The following ZKSCAN7 variants were observed in gnomAD, a reference collection of about 807,000 sequenced individuals.
ZKSCAN7 encodes zinc finger protein with KRAB and SCAN domains 7.
ZKSCAN7 carries 38 observed loss-of-function variants against 65.3 expected under a neutral mutation model. The observed-to-expected ratio is 0.58, with a 90% CI of 0.45 to 0.76. The LOEUF (loss-of-function observed/expected upper bound fraction) is 0.76. ZKSCAN7 is among the 30% of genes least tolerant of loss of function. The probability of loss-of-function intolerance (pLI) is 0.00; values close to 1 mark genes in which losing one functional copy is unlikely to be tolerated. For synonymous variants in ZKSCAN7, 321 were observed against 321.0 expected, an observed-to-expected ratio of 1.00 and a Z score of 0.00; for missense variants, 815 against 913.3, an observed-to-expected ratio of 0.89 and a Z score of 1.39.
At chr3:44,580,643 A>G in intron 5 of ZKSCAN7, 5 of 1,613,788 alleles carry the variant, frequency 3.1e-6, no homozygotes, top group Non-Finnish European at 4.2e-6. Flanking sequence ...CCCGGATGAA[A>G]TGCTCCTTCT....
Position 44,571,596 on chromosome 3 carries a change from T to G in ZKSCAN7, c.*221T>G. ...CATGTCATTGAATTGTAGGTTTCCT[T>G]TTTTTTTCTTTACTTTTAAATTTTA... On this transcript the variant is annotated 3_prime_UTR_variant, in exon 6 of 6. Coordinates refer to ENST00000426540, the MANE Select transcript of ZKSCAN7 (RefSeq NM_001288590.2). 7.5e-7 allele frequency: 1 copy of G among 1,334,612 alleles called. No homozygotes were observed. The highest frequency in any genetic ancestry group is 9.6e-7 in the Non-Finnish European group (1 of 1,043,894). The allele number at this position is 1,334,612 out of a possible 1,614,324, so 82.7% of individuals were successfully genotyped here.
rs878870119 is a variant in ZKSCAN7 at position 44,579,819 on chromosome 3, G to GT, written c.812-3150dup. On this transcript the variant is annotated intron_variant, in intron 5 of 5. Coordinates refer to the ZKSCAN7 transcript ENST00000341840. ...CTTTGATCGGCGAGGACAAACCAGTGTTTCTTCCACTGGCTGTCCTCATAC... is the reference window on the plus strand; with the variant it reads ...CTTTGATCGGCGAGGACAAACCAGTGTTTTCTTCCACTGGCTGTCCTCATAC... 22 of 1,612,948 alleles carry GT rather than the reference G, an allele frequency of 1.4e-5. No homozygotes were observed. In the South Asian group the frequency reaches 2.1e-4, roughly 15 times the overall value.
In ZKSCAN7 at chr3:44,556,948, C is replaced by A; in HGVS notation, c.-100C>A. On this transcript the variant is annotated 5_prime_UTR_variant, in exon 2 of 6. Coordinates refer to ENST00000426540, the MANE Select transcript of ZKSCAN7 (RefSeq NM_001288590.2). ...TCTGTAGGCCACACTACCATCACCCCTTTCTCCAACCCTGAAAAACAGTTC... is the reference window on the plus strand; with the variant it reads ...TCTGTAGGCCACACTACCATCACCCATTTCTCCAACCCTGAAAAACAGTTC... 6.6e-7 allele frequency: 1 copy of A among 1,524,080 alleles called. No individual in the cohort carries two copies. Among genetic ancestry groups the A allele is most frequent in the Non-Finnish European group, 9.0e-7 (1 of 1,111,800 alleles). The allele number at this position is 1,524,080 out of a possible 1,614,324, so 94.4% of individuals were successfully genotyped here.
chr3:44,570,672 A>G lies in ZKSCAN7; in HGVS notation c.1562A>G (p.Lys521Arg), dbSNP rs763882793. Reference protein sequence around the residue: ...ARHQVLHTGKKPYKCNECGRA... With the variant: ...ARHQVLHTGKRPYKCNECGRA... The stretch of plus-strand genomic sequence containing the variant: ...CATCAGGTCCTGCACACTGGTAAGA[A>G]ACCTTACAAATGCAATGAGTGTGGG... Residue 521 changes from lysine to arginine, a missense_variant, in exon 6 of 6, where the codon AAA (lysine) becomes AGA (arginine). By Grantham distance (26) the Lys-to-Arg change is conservative. Coordinates refer to ENST00000426540, the MANE Select transcript of ZKSCAN7 (RefSeq NM_001288590.2). 6 of 1,613,978 alleles carry G rather than the reference A, an allele frequency of 3.7e-6. No homozygotes were observed. Among genetic ancestry groups the G allele is most frequent in the Non-Finnish European group, 4.2e-6 (5 of 1,179,998 alleles).
chr3:44,568,189 G>A, intron 4 of ZKSCAN7, 118 bp from the exon 5 acceptor site: 2 of 1,545,248 alleles, frequency 1.3e-6, no homozygotes, highest in Non-Finnish European at 1.8e-6. Context: ...TGTCATCTCA[G>A]CTCCTCTCTC....
chr3:44,583,064 T>C (rs1700125218), exon 6 of ZKSCAN7: 1 of 389,142 alleles, frequency 2.6e-6, no homozygotes, highest in Non-Finnish European at 5.2e-6. Flanking sequence ...GTAGCTGGGA[T>C]TACAGGCGCC....
intron 5 of ZKSCAN7, chr3:44,579,825 T>G: frequency 6.2e-7 from 1 of 1,612,884 alleles, no homozygotes. Flanking sequence ...CAGTGTTTCT[T>G]CCACTGGCTG....
chr3:44,565,733 TCTC>T (rs958753413), intron 3 of ZKSCAN7, 78 bp downstream of exon 3: 4 of 1,366,800 alleles, frequency 2.9e-6, no homozygotes, highest in Non-Finnish European at 2.9e-6. Flanking sequence ...TATCTGCCCA[TCTC>T]CTACTCCATG....
Position 44,570,677 on chromosome 3 carries a change from T to C in ZKSCAN7, c.1567T>C (p.Tyr523His). 1.2e-6 allele frequency: 2 copies of C among 1,614,022 alleles called. No homozygotes were observed. The highest frequency in any genetic ancestry group is 1.7e-6 in the Non-Finnish European group (2 of 1,180,000). ...HQVLHTGKKP[Y>H]KCNECGRAFC... ...GGTCCTGCACACTGGTAAGAAACCT[T>C]ACAAATGCAATGAGTGTGGGAGAGC... is the stretch of plus-strand genomic sequence containing the variant. The change falls in exon 6 of 6, where the codon TAC (tyrosine) becomes CAC (histidine). Residue 523 changes from tyrosine to histidine, a missense_variant. Physicochemically the swap from Tyr to His is moderately conservative, Grantham distance 83. Coordinates refer to ENST00000426540, the MANE Select transcript of ZKSCAN7 (RefSeq NM_001288590.2).
chr3:44,559,414 C>G (rs548721583), intron 2 of ZKSCAN7, among the ~76,000 whole-genome samples: 1 of 152,156 alleles, frequency 6.6e-6, no homozygotes, highest in East Asian at 1.9e-4. Context: ...TCCCAAGTAC[C>G]CAATATATCA....
chr3:44,557,647 T>G, intron 2 of ZKSCAN7, 177 bp downstream of exon 2: 6 of 791,872 alleles, frequency 7.6e-6, no homozygotes, highest in South Asian at 1.9e-5. Context: ...CAAGTGCACA[T>G]CCCAGCTAAG....
chr3:44,578,506 G>A (rs201346359), intron 5 of ZKSCAN7, among the ~76,000 whole-genome samples: 36 of 152,162 alleles, frequency 2.4e-4, no homozygotes, highest in Non-Finnish European at 4.7e-4. Context: ...CCTGCTGCCC[G>A]GCCTCCAGCG....
chr3:44,556,697 G>A (rs1162885607), intron 1 of ZKSCAN7, among the ~76,000 whole-genome samples: 1 of 152,110 alleles, frequency 6.6e-6, no homozygotes, highest in Admixed American at 6.5e-5. Flanking sequence ...TGTGAAGGGG[G>A]TAAGGCCAGG....
intron 1 of ZKSCAN7, among the ~76,000 whole-genome samples, chr3:44,555,775 C>T (rs1575351646): frequency 1.3e-5 from 2 of 152,334 alleles, no homozygotes; most frequent in South Asian, 4.1e-4. Flanking sequence ...GAGATTGAGA[C>T]ACAGGGATCT....
chr3:44,576,720 T>C (rs1206636449), downstream of ZKSCAN7, among the ~76,000 whole-genome samples: 1 of 152,226 alleles, frequency 6.6e-6, no homozygotes, highest in African/African-American at 2.4e-5. Flanking sequence ...AGGTTAGTTG[T>C]AAATTTATGT....
In ZKSCAN7 at chr3:44,557,033, C is replaced by T. The variant is rs779359730; in HGVS notation, c.-15C>T. 1 of 1,613,960 alleles carries T rather than the reference C, an allele frequency of 6.2e-7. No individual in the cohort carries two copies. The highest frequency in any genetic ancestry group is 8.5e-7 in the Non-Finnish European group (1 of 1,179,986). ...GACCAACTGCAGCTGTAACAAGCTT[C>T]TCTTTGGGGTCACAATGACCACTGC... On this transcript the variant is annotated 5_prime_UTR_variant, in exon 2 of 6. Transcript: ENST00000426540.
At chr3:44,578,320 T>C (rs1699970280) in intron 5 of ZKSCAN7, 7 of 1,594,968 alleles carry the variant, frequency 4.4e-6, no homozygotes, top group Non-Finnish European at 3.4e-6. Flanking sequence ...ATATCCGCAA[T>C]AAGACTTCTA....
chr3:44,571,771 T>G lies in ZKSCAN7; in HGVS notation c.*396T>G. The G allele has an allele frequency of 9.8e-7, 1 of 1,021,764 alleles. No homozygotes were observed. The highest frequency in any genetic ancestry group is 1.2e-6 in the Non-Finnish European group (1 of 851,388). 63.3% of individuals were successfully genotyped at this position (1,021,764 alleles called of 1,614,324 possible). ...CATTCAAAAAGGCTGATTCATGCCT[T>G]CCTGCCTCTTGGCTATGGCCCTCCC... On this transcript the variant is annotated 3_prime_UTR_variant, in exon 6 of 6. Coordinates refer to ENST00000426540, the MANE Select transcript of ZKSCAN7 (RefSeq NM_001288590.2).
At chr3:44,581,679 CAG>C (rs1390615873) in intron 5 of ZKSCAN7, among the ~76,000 whole-genome samples, 2 of 152,162 alleles carry the variant, frequency 1.3e-5, no homozygotes, top group South Asian at 2.1e-4. Flanking sequence ...TTTAGTCAAA[CAG>C]AATTCAAACC....
Sources: allele counts gnomAD v4.1 joint callset (sites outside exome capture counted in the v4.1 genomes callset), GRCh38; gene constraint gnomAD v4.1.1; transcripts MANE v1.5; gene names NCBI Gene and HGNC (gene_info 2026-07-23, HGNC 2026-07-21).